The following LRRC19 variants were observed in gnomAD, a reference collection of about 807,000 sequenced individuals.
LRRC19 encodes the protein leucine-rich repeat-containing protein 19.
A neutral mutation model predicts 33.3 loss-of-function variants in LRRC19; 33 were observed. That is an observed-to-expected ratio of 0.99 (90% CI 0.75 to 1.33). The LOEUF is 1.33. LRRC19 is among the 40% of genes most tolerant of loss of function. The pLI, the probability that LRRC19 is intolerant of heterozygous loss-of-function variation, is 0.00. For missense variants in LRRC19, 463 were observed against 417.3 expected, an observed-to-expected ratio of 1.11 and a Z score of -0.95; for synonymous variants, 184 against 152.3, an observed-to-expected ratio of 1.21 and a Z score of -1.53.
chr9:27,000,909 G>C (rs1415451593), intron 1 of LRRC19, among the ~76,000 whole-genome samples: 2 of 152,044 alleles, frequency 1.3e-5, no homozygotes, highest in Non-Finnish European at 2.9e-5. Context: ...CTTTTTTTAA[G>C]CAAACTGTAT....
intron 1 of LRRC19, among the ~76,000 whole-genome samples, chr9:27,003,471 C>G (rs953350656): frequency 6.6e-6 from 1 of 151,742 alleles, no homozygotes; most frequent in Non-Finnish European, 1.5e-5. Flanking sequence ...TGCAGTGAGC[C>G]GTGATCATGC....
intron 2 of LRRC19, among the ~76,000 whole-genome samples, chr9:26,999,325 TA>T (rs965634188): frequency 1.2e-4 from 18 of 151,952 alleles, no homozygotes; most frequent in East Asian, 1.9e-4. Context: ...ATGTGCTTTT[TA>T]AAAAAAAGTT....
rs114207672 is a variant in LRRC19, at chr9:26,998,191, A to T, written c.132T>A (p.Asp44Glu). The T allele has an allele frequency of 2.2e-3, 3,428 of 1,548,536 alleles. 78 individuals are homozygous for T. The African/African-American group carries it at 0.043, about 19-fold the overall frequency. ...CAAGTATAGTAACATCTTTCTTGAT[A>T]TCTGCTGGAATCAAGGTATAATTTT... Reference protein sequence around the residue: ...TEKNYTLIPADIKKDVTILDL... With the variant: ...TEKNYTLIPAEIKKDVTILDL... The change falls in exon 3 of 5, where the codon GAT becomes GAA. Residue 44 changes from aspartate to glutamate, a missense_variant. Coordinates refer to ENST00000380055, the MANE Select transcript of LRRC19 (RefSeq NM_022901.3).
chr9:27,001,035 A>G lies in LRRC19; in HGVS notation c.-9-1332T>C, dbSNP rs1587325994. Among the ~76,000 whole-genome samples the G allele has an allele frequency of 5.3e-5, 8 of 152,216 alleles. No individual in the cohort carries two copies. The South Asian group carries it at 1.7e-3, about 32-fold the overall frequency. On this transcript the variant is annotated intron_variant, in intron 1 of 4. Coordinates refer to ENST00000380055, the MANE Select transcript of LRRC19 (RefSeq NM_022901.3). ...TGAGGTCCACTTTTTTAGCTCCCACATGCCGGTGAGAATGTGTGATATTTG... is the reference window on the plus strand; with the variant it reads ...TGAGGTCCACTTTTTTAGCTCCCACGTGCCGGTGAGAATGTGTGATATTTG...
At position 26,997,980 on chromosome 9, in the gene LRRC19, C is replaced by G. The variant is rs778011758; in HGVS notation, c.343G>C (p.Gly115Arg). 1.3e-5 allele frequency: 21 copies of G among 1,613,706 alleles called. No homozygotes were observed. The highest frequency in any genetic ancestry group is 1.7e-5 in the Non-Finnish European group (20 of 1,179,928). The change falls in exon 3 of 5, where the codon GGT becomes CGT. Residue 115 changes from glycine (G) to arginine (R), a missense_variant. By Grantham distance (125) the Gly-to-Arg change is moderately radical. Coordinates refer to ENST00000380055, the MANE Select transcript of LRRC19 (RefSeq NM_022901.3). ...CRNSIYVIQQ[G>R]AFLGLNKLKQ... Reference sequence around the variant, plus strand: ...AGTTTATTTAAGCCTAAAAATGCACCCTGTTGAATTACATAGATGGAGTTT... The same window carrying G: ...AGTTTATTTAAGCCTAAAAATGCACGCTGTTGAATTACATAGATGGAGTTT...
chr9:26,997,643 T>C (rs573058349), intron 3 of LRRC19, 85 bp downstream of exon 3: 1 of 1,429,032 alleles, frequency 7.0e-7, no homozygotes, highest in East Asian at 2.3e-5. Context: ...TGCTTCCTTT[T>C]CTTTAAAACG....
intron 4 of LRRC19, among the ~76,000 whole-genome samples, chr9:26,996,066 A>G (rs1329584485): frequency 6.6e-6 from 1 of 152,136 alleles, no homozygotes; most frequent in African/African-American, 2.4e-5. Flanking sequence ...ATTGATTTAT[A>G]CTCGTTAAGA....
In LRRC19 at chr9:26,998,170, T is replaced by A; in HGVS notation, c.153A>T (p.Ile51=). The A allele has an allele frequency of 6.3e-7, 1 of 1,582,390 alleles. No homozygotes were observed. The change falls in exon 3 of 5, where the codon ATA becomes ATT. Residue 51 remains isoleucine (I), a synonymous_variant. Coordinates refer to ENST00000380055, the MANE Select transcript of LRRC19 (RefSeq NM_022901.3). ...IPADIKKDVT[I]LDLSYNQITL... ...TAATTTGGTTATAACTGAGATCAAG[T>A]ATAGTAACATCTTTCTTGATATCTG...
intron 1 of LRRC19, among the ~76,000 whole-genome samples, chr9:27,005,252 G>T: frequency 6.9e-6 from 1 of 144,962 alleles, no homozygotes; most frequent in South Asian, 2.2e-4. Context: ...TTTTTATCTT[G>T]CCAATTGGCT....
chr9:26,996,429 A>T lies in LRRC19; in HGVS notation c.666T>A (p.His222Gln). The T allele has an allele frequency of 6.2e-7, 1 of 1,605,376 alleles. No individual in the cohort carries two copies. The highest frequency in any genetic ancestry group is 8.5e-7 in the Non-Finnish European group (1 of 1,174,488). The change falls in exon 4 of 5, where the codon CAT becomes CAA. Residue 222 changes from histidine to glutamine, a missense_variant. Transcript: ENST00000380055. Reference sequence around the variant, plus strand: ...GAAATTTTGAGTGGCATTCAGCCTTATGAGGTACTGTTTTGATATTGTAGC... The same window carrying T: ...GAAATTTTGAGTGGCATTCAGCCTTTTGAGGTACTGTTTTGATATTGTAGC... ...LQSYNIKTVP[H>Q]KAECHSKFPS...
intron 1 of LRRC19, among the ~76,000 whole-genome samples, 182 bp from the exon 2 acceptor site, chr9:26,999,885 A>G (rs1007888626): frequency 2.7e-5 from 4 of 149,850 alleles, no homozygotes; most frequent in Non-Finnish European, 5.9e-5. Flanking sequence ...AGTCCTCCCA[A>G]CTCAGCTTCC....
chr9:26,997,251 T>C (rs1211935331), intron 3 of LRRC19, among the ~76,000 whole-genome samples: 1 of 151,320 alleles, frequency 6.6e-6, no homozygotes, highest in African/African-American at 2.4e-5. Flanking sequence ...CCCCTGGTAA[T>C]GGGGAAGGAG....
At chr9:26,997,330 C>CTTTTTTTTTTTTTTTT (rs773530183) in intron 3 of LRRC19, among the ~76,000 whole-genome samples, 3 of 123,604 alleles carry the variant, frequency 2.4e-5, no homozygotes, top group African/African-American at 2.9e-5. Flanking sequence ...GTTTCCTTTC[C>CTTTTTTTTTTTTTTTT]TTTTTTTTTT....
intron 1 of LRRC19, among the ~76,000 whole-genome samples, chr9:27,002,643 T>C (rs1587329417): frequency 6.6e-6 from 1 of 152,224 alleles, no homozygotes; most frequent in Admixed American, 6.5e-5. Flanking sequence ...ATTCCATTGG[T>C]CTATGGATCT....
intron 2 of LRRC19, 83 bp from the exon 3 acceptor site, chr9:26,998,324 C>T (rs1828283862): frequency 1.1e-5 from 9 of 817,872 alleles, no homozygotes; most frequent in Non-Finnish European, 1.4e-5. Context: ...AGCACTTAGA[C>T]ATTAGAAGGA....
Position 26,997,752 on chromosome 9 carries a change from A to G in LRRC19, c.571T>C (p.Leu191=), listed in dbSNP as rs1235163888. 1.2e-6 allele frequency: 2 copies of G among 1,609,820 alleles called. No homozygotes were observed. The highest frequency in any genetic ancestry group is 1.7e-6 in the Non-Finnish European group (2 of 1,178,890). ...SCSLFNLQNW[L]NTSNVTLENE... is the part of the protein sequence containing the mutation. ...CCTAATGTCACATTTGATGTGTTCA[A>G]CCAGTTCTGCAAATTAAATAGACTG... Residue 191 remains leucine (L), a synonymous_variant, in exon 3 of 5, where the codon TTG becomes CTG. Coordinates refer to ENST00000380055, the MANE Select transcript of LRRC19 (RefSeq NM_022901.3).
At chr9:26,998,335 C>G in intron 2 of LRRC19, 94 bp from the exon 3 acceptor site, 4 of 739,370 alleles carry the variant, frequency 5.4e-6, no homozygotes, top group Non-Finnish European at 8.0e-6. Flanking sequence ...ATTAGAAGGA[C>G]GTTATTTTGG....
At chr9:27,003,161 C>T (rs1828589112) in intron 1 of LRRC19, among the ~76,000 whole-genome samples, 1 of 151,508 alleles carries the variant, frequency 6.6e-6, no homozygotes, top group South Asian at 2.1e-4. Flanking sequence ...TTACTGAATT[C>T]AGTTGTCAGT....
Position 26,993,225 on chromosome 9 carries a change from T to C in LRRC19, c.*2296A>G, listed in dbSNP as rs770657658. 8 of 152,232 alleles carry C rather than the reference T, an allele frequency of 5.3e-5. No homozygotes were observed. The highest frequency in any genetic ancestry group is 1.2e-4 in the Non-Finnish European group (8 of 68,028). The allele number at this position is 152,232 out of a possible 1,614,324, so 9.4% of individuals were successfully genotyped here. A position where few individuals can be genotyped will look rare whatever the true frequency, so the allele number is the denominator to read the frequency against. On this transcript the variant is annotated 3_prime_UTR_variant, in exon 5 of 5. Transcript: ENST00000380055. ...ATAAAAGCTTAAGTGTAGTCTTTGC[T>C]CATTTGCAATTATATTTCATTTTGC... is the stretch of plus-strand genomic sequence containing the variant.
Sources: allele counts gnomAD v4.1 joint callset (sites outside exome capture counted in the v4.1 genomes callset), GRCh38; gene constraint gnomAD v4.1.1; transcripts MANE v1.5; gene names NCBI Gene and HGNC (gene_info 2026-07-23, HGNC 2026-07-21).